GPR39: variants seen among roughly 807,000 people sequenced by gnomAD.
GPR39 encodes G protein-coupled receptor 39, also known as zinc sensing receptor.
In GPR39, 23 loss-of-function variants were observed where a neutral mutation model predicts 18.4. The ratio of observed to expected loss-of-function variants is 1.25; its 90% CI spans 0.90 to 1.77. The LOEUF is 1.77. Ranked by LOEUF, GPR39 falls within the 40% of genes most tolerant of loss-of-function variation. The pLI is 0.00. For synonymous variants in GPR39, 280 were observed against 257.9 expected (o/e 1.09, Z -0.82); for missense variants, 647 against 602.4 (o/e 1.07, Z -0.78).
chr2:132,625,586 G>A (rs1010993718), intron 1 of GPR39, among the ~76,000 whole-genome samples: 6 of 152,146 alleles, frequency 3.9e-5, no homozygotes, highest in African/African-American at 1.4e-4. Context: ...AACAGAAGGG[G>A]GGGAAATGCC....
chr2:132,558,599 A>T (rs1453192697), intron 1 of GPR39, among the ~76,000 whole-genome samples: 1 of 152,122 alleles, frequency 6.6e-6, no homozygotes, highest in Non-Finnish European at 1.5e-5. Context: ...GGAAATATTG[A>T]GATGAGGTCG....
rs1680209682 is a variant in GPR39, at chr2:132,430,662, G to T, written c.856+12764G>T. The stretch of plus-strand genomic sequence containing the variant: ...CAGGGATGAGAACCTTGTTGGACTG[G>T]CTAGGGCTGCTCATCCAGCCCCTGT... On this transcript the variant is annotated intron_variant, in intron 1 of 1. Coordinates refer to ENST00000329321, the MANE Select transcript of GPR39 (RefSeq NM_001508.3). Among the ~76,000 whole-genome samples the T allele has an allele frequency of 2.6e-5, 4 of 152,224 alleles. No homozygotes were observed. In the South Asian group the frequency reaches 8.3e-4, roughly 32 times the overall value.
At chr2:132,422,295 C>T (rs1206992403) in intron 1 of GPR39, among the ~76,000 whole-genome samples, 1 of 152,188 alleles carries the variant, frequency 6.6e-6, no homozygotes, top group Admixed American at 6.5e-5. Context: ...AGTGGCGTGG[C>T]ATTTGAATCA....
intron 1 of GPR39, among the ~76,000 whole-genome samples, chr2:132,503,528 T>C (rs1353864884): frequency 1.3e-5 from 2 of 152,094 alleles, no homozygotes; most frequent in Non-Finnish European, 2.9e-5. Context: ...TTTAGTGCAC[T>C]GGTTTTGTGT....
intron 1 of GPR39, among the ~76,000 whole-genome samples, chr2:132,639,430 C>A (rs1017172684): frequency 3.9e-5 from 6 of 152,120 alleles, no homozygotes; most frequent in African/African-American, 1.4e-4. Context: ...TACCCCTGCA[C>A]CCTCAAGGCT....
intron 1 of GPR39, among the ~76,000 whole-genome samples, chr2:132,460,720 C>CTT: frequency 6.7e-6 from 1 of 149,912 alleles, no homozygotes; most frequent in South Asian, 2.1e-4. Flanking sequence ...CTGTCTCTGT[C>CTT]TTTTTTTTTT....
intron 1 of GPR39, among the ~76,000 whole-genome samples, chr2:132,581,261 G>A (rs1363103812): frequency 6.6e-6 from 1 of 151,724 alleles, no homozygotes; most frequent in South Asian, 2.1e-4. Flanking sequence ...AAACGATTCA[G>A]TCCTCTATTA....
chr2:132,480,917 T>C (rs1028800319), intron 1 of GPR39, among the ~76,000 whole-genome samples: 12 of 152,320 alleles, frequency 7.9e-5, no homozygotes, highest in Admixed American at 5.9e-4. Flanking sequence ...CTTTTCAAAT[T>C]AAGGGCGAGT....
At chr2:132,532,866 A>G (rs1679667841) in intron 1 of GPR39, among the ~76,000 whole-genome samples, 1 of 152,220 alleles carries the variant, frequency 6.6e-6, no homozygotes. Flanking sequence ...AGAGCTATCT[A>G]TGACAAACCC....
At chr2:132,490,418 C>A (rs1681433950) in intron 1 of GPR39, among the ~76,000 whole-genome samples, 1 of 151,722 alleles carries the variant, frequency 6.6e-6, no homozygotes, top group African/African-American at 2.4e-5. Context: ...TAGATTTAGA[C>A]CGAGGAGGTT....
chr2:132,631,007 A>G (rs972936988), intron 1 of GPR39, among the ~76,000 whole-genome samples: 1 of 152,228 alleles, frequency 6.6e-6, no homozygotes, highest in Non-Finnish European at 1.5e-5. Context: ...ATAGTTGTCT[A>G]CTGATGCTGG....
intron 1 of GPR39, among the ~76,000 whole-genome samples, chr2:132,541,127 A>G (rs1679853515): frequency 2.0e-5 from 3 of 152,116 alleles, no homozygotes; most frequent in Admixed American, 1.3e-4. Context: ...TCTGTCAACC[A>G]GGCTGGAGTG....
At chr2:132,639,914 T>A (rs572733839) in intron 1 of GPR39, among the ~76,000 whole-genome samples, 1 of 151,678 alleles carries the variant, frequency 6.6e-6, no homozygotes, top group South Asian at 2.1e-4. Context: ...AAAAAAACCC[T>A]AAAATTACAG....
intron 1 of GPR39, among the ~76,000 whole-genome samples, chr2:132,616,977 A>T (rs1681347272): frequency 6.6e-6 from 1 of 152,202 alleles, no homozygotes; most frequent in Non-Finnish European, 1.5e-5. Flanking sequence ...ACACAAACCC[A>T]TTCATAGAGA....
intron 1 of GPR39, among the ~76,000 whole-genome samples, chr2:132,438,392 C>T (rs1573602241): frequency 6.6e-6 from 1 of 152,068 alleles, no homozygotes; most frequent in South Asian, 2.1e-4. Context: ...TCTTAGCTTC[C>T]CAAGTAGCTG....
Position 132,454,896 on chromosome 2 carries a change from A to G in GPR39, c.856+36998A>G, listed in dbSNP as rs1680692651. ...GATTTGGTTTGCCAGTATTATATTGAGGATTTTTGCGTTGATGTTCATCAG... is the reference window on the plus strand; with the variant it reads ...GATTTGGTTTGCCAGTATTATATTGGGGATTTTTGCGTTGATGTTCATCAG... On this transcript the variant is annotated intron_variant, in intron 1 of 1. Transcript: ENST00000329321. Among the ~76,000 whole-genome samples the G allele has an allele frequency of 2.0e-5, 3 of 152,306 alleles. No individual in the cohort carries two copies. The South Asian group carries it at 6.2e-4, about 32-fold the overall frequency.
intron 1 of GPR39, among the ~76,000 whole-genome samples, chr2:132,442,578 T>C (rs6430338): frequency 0.97 from 148,356 of 152,220 alleles, 72,417 homozygotes; most frequent in Non-Finnish European, 1. Context: ...CATGCCCCTG[T>C]GAAAGGCAGA....
At chr2:132,462,339 T>C (rs1680849231) in intron 1 of GPR39, among the ~76,000 whole-genome samples, 1 of 151,184 alleles carries the variant, frequency 6.6e-6, no homozygotes, top group African/African-American at 2.5e-5. Context: ...ATTGGCTTGT[T>C]TGAATAATTT....
In GPR39 at chr2:132,573,388, T is replaced by C. The variant is rs188730976; in HGVS notation, c.857-71713T>C. 9.5e-3 allele frequency among the ~76,000 whole-genome samples: 1,441 copies of C among 152,102 alleles called. 16 individuals are homozygous for C. The highest frequency in any genetic ancestry group is 0.033 in the African/African-American group (1,372 of 41,494). ...TTGGATTCCCAAATAAGAAAAGCAA[T>C]CAGGAAGGTTTCAGAGTGATGTGGA... On this transcript the variant is annotated intron_variant, in intron 1 of 1. Transcript: ENST00000329321.
Sources: gnomAD v4.1 joint callset for allele counts (sites outside exome capture counted in the v4.1 genomes callset) on GRCh38, gnomAD v4.1.1 for gene constraint, MANE v1.5 for transcripts, NCBI Gene and HGNC (gene_info 2026-07-23, HGNC 2026-07-21) for gene names.